MIGA1: variants seen among roughly 807,000 people sequenced by gnomAD.
MIGA1 encodes the protein family with sequence similarity 73, member A.
Under a neutral mutation model 82.0 loss-of-function variants are expected in MIGA1, and 58 were observed. The ratio of observed to expected loss-of-function variants is 0.71; its 90% CI spans 0.57 to 0.88. The LOEUF (loss-of-function observed/expected upper bound fraction) is 0.88, where lower values mean the gene tolerates loss of function less well. MIGA1 is among the 40% of genes least tolerant of loss of function. The pLI is 0.00. For missense variants in MIGA1, 751 were observed against 749.1 expected (o/e 1.00, Z -0.03); for synonymous variants, 249 against 253.6 (o/e 0.98, Z 0.17).
chr1:77,850,867 T>TTC (rs1685020508), intron 8 of MIGA1, among the ~76,000 whole-genome samples: 1 of 152,132 alleles, frequency 6.6e-6, no homozygotes, highest in Non-Finnish European at 1.5e-5. Context: ...TCTTTCTTTT[T>TTC]TTTTTTGTTT....
chr1:77,843,707 A>G (rs1258927620), intron 8 of MIGA1, among the ~76,000 whole-genome samples: 1 of 152,124 alleles, frequency 6.6e-6, no homozygotes, highest in East Asian at 1.9e-4. Context: ...AACTTATATC[A>G]AGAGTCTTAA....
chr1:77,859,044 C>A lies in MIGA1; in HGVS notation c.1103C>A (p.Ser368Tyr). 1 of 1,595,540 alleles carries A rather than the reference C, an allele frequency of 6.3e-7. No individual in the cohort carries two copies. Among genetic ancestry groups the A allele is most frequent in the South Asian group, 1.1e-5 (1 of 90,730 alleles). The change falls in exon 9 of 16, where the codon TCC (serine) becomes TAC (tyrosine). Residue 368 changes from serine (S) to tyrosine (Y), a missense_variant. This residue lies in a region of MIGA1 where 482 missense variants were observed against 439.4 expected (regional missense o/e 1.10). Transcript: ENST00000370791. ...TTAGTTGAAGAAGGAAAAATTTACT[C>A]CAGAGTACTGAGGTACCATTTCAGT... is the stretch of plus-strand genomic sequence containing the variant.
chr1:77,814,976 C>A, intron 6 of MIGA1, 132 bp from the exon 7 acceptor site: 1 of 574,768 alleles, frequency 1.7e-6, no homozygotes, highest in Non-Finnish European at 2.7e-6. Context: ...TGCTGCTGTA[C>A]TCTTTCCACC....
chr1:77,848,013 G>T, intron 8 of MIGA1: 1 of 1,252,962 alleles, frequency 8.0e-7, no homozygotes, highest in South Asian at 1.2e-5. Flanking sequence ...GTCACCTAGT[G>T]AAGAAAGAGG....
chr1:77,864,087 G>T (rs1350172016), intron 13 of MIGA1, 59 bp downstream of exon 13: 2 of 1,558,948 alleles, frequency 1.3e-6, no homozygotes, highest in South Asian at 2.4e-5. Context: ...GAGGCTGGGC[G>T]CAGTAGCTCA....
At chr1:77,847,177 C>CA in intron 8 of MIGA1, 1 of 1,291,862 alleles carries the variant, frequency 7.7e-7, no homozygotes, top group Non-Finnish European at 1.1e-6. Context: ...TCCTGTTTTG[C>CA]AAAAACCGTC....
chr1:77,850,738 G>A (rs965603257), intron 8 of MIGA1, among the ~76,000 whole-genome samples: 6 of 152,170 alleles, frequency 3.9e-5, no homozygotes, highest in Non-Finnish European at 8.8e-5. Flanking sequence ...AATTTAGGAT[G>A]TTTGAAATCT....
chr1:77,807,532 G>C (rs1021526253), intron 5 of MIGA1, among the ~76,000 whole-genome samples: 3 of 152,126 alleles, frequency 2.0e-5, no homozygotes, highest in African/African-American at 4.8e-5. Context: ...TCTTATATCT[G>C]TTGTATCTAG....
At chr1:77,869,594 G>A (rs371460137) in intron 14 of MIGA1, among the ~76,000 whole-genome samples, 3,520 of 142,706 alleles carry the variant, frequency 0.025, 80 homozygotes, top group South Asian at 0.095. Flanking sequence ...CCACCCTCCC[G>A]GACGAGGCGG....
chr1:77,821,902 A>G (rs1006032158), intron 7 of MIGA1, among the ~76,000 whole-genome samples: 1 of 152,216 alleles, frequency 6.6e-6, no homozygotes, highest in Admixed American at 6.5e-5. Context: ...AATTATTAAG[A>G]TACTTTGTAA....
intron 7 of MIGA1, among the ~76,000 whole-genome samples, chr1:77,833,856 A>G (rs1684330935): frequency 6.6e-6 from 1 of 152,236 alleles, no homozygotes; most frequent in African/African-American, 2.4e-5. Flanking sequence ...GAGGGTGTAG[A>G]AAATGCTGTT....
At chr1:77,809,412 C>T (rs1683229252) in intron 5 of MIGA1, among the ~76,000 whole-genome samples, 1 of 152,046 alleles carries the variant, frequency 6.6e-6, no homozygotes, top group Non-Finnish European at 1.5e-5. Flanking sequence ...CAGGTTTTAT[C>T]TTTGTGTTAT....
At chr1:77,806,370 CTG>C (rs1204575249) in intron 4 of MIGA1, among the ~76,000 whole-genome samples, 2 of 152,142 alleles carry the variant, frequency 1.3e-5, no homozygotes, top group Non-Finnish European at 2.9e-5. Context: ...TCGAAAGTGT[CTG>C]TAGTTAGTTT....
intron 7 of MIGA1, among the ~76,000 whole-genome samples, chr1:77,839,406 T>G (rs1274729533): frequency 6.6e-6 from 1 of 152,070 alleles, no homozygotes; most frequent in East Asian, 1.9e-4. Flanking sequence ...AGTGTCATTC[T>G]GTCACCCAGG....
At chr1:77,829,635 AT>A (rs372168080) in intron 7 of MIGA1, among the ~76,000 whole-genome samples, 1 of 151,566 alleles carries the variant, frequency 6.6e-6, no homozygotes, top group African/African-American at 2.4e-5. Flanking sequence ...CGCCCAGCTA[AT>A]TTTTTTGTAT....
At chr1:77,853,580 T>C (rs1377205185) in intron 8 of MIGA1, 1 of 164,676 alleles carries the variant, frequency 6.1e-6, no homozygotes, top group African/African-American at 2.4e-5. Flanking sequence ...AATTTAAAAA[T>C]GAGTGGGAGG....
intron 2 of MIGA1, among the ~76,000 whole-genome samples, chr1:77,784,094 C>T (rs1682041521): frequency 1.3e-5 from 2 of 152,114 alleles, no homozygotes; most frequent in African/African-American, 4.8e-5. Context: ...CATGTTTTTG[C>T]TATTGTGAAT....
chr1:77,809,800 T>A, intron 5 of MIGA1, among the ~76,000 whole-genome samples: 1 of 150,384 alleles, frequency 6.6e-6, no homozygotes. Context: ...TATGCCCCAT[T>A]AAGTCAAAAG....
intron 7 of MIGA1, among the ~76,000 whole-genome samples, chr1:77,836,932 A>G (rs1007412896): frequency 2.0e-5 from 3 of 152,188 alleles, no homozygotes; most frequent in Non-Finnish European, 4.4e-5. Context: ...AGTTACAAAA[A>G]CTCAATATAC....
Sources: allele counts gnomAD v4.1 joint callset (sites outside exome capture counted in the v4.1 genomes callset), GRCh38; gene constraint gnomAD v4.1.1; regional missense constraint gnomAD v4.1.1; transcripts MANE v1.5; gene names NCBI Gene and HGNC (gene_info 2026-07-23, HGNC 2026-07-21).